The following CSMD1 variants were observed in gnomAD, a reference collection of about 807,000 sequenced individuals.
CSMD1 encodes CUB and sushi domain-containing protein 1.
In CSMD1, 213 loss-of-function variants were observed where a neutral mutation model predicts 417.5. That is an observed-to-expected ratio of 0.51 (90% confidence interval 0.46 to 0.57). CSMD1 has a LOEUF of 0.57. CSMD1 is among the 20% of genes least tolerant of loss of function. CSMD1 has a pLI of 0.00. For missense variants in CSMD1, 6,923 were observed against 4,529.7 expected, an observed-to-expected ratio of 1.53 and a Z score of -15.17; for synonymous variants, 2,862 against 1,736.8, an observed-to-expected ratio of 1.65 and a Z score of -16.11.
At chr8:4,752,729 G>T (rs192195185) in intron 1 of CSMD1, among the ~76,000 whole-genome samples, 2 of 152,282 alleles carry the variant, frequency 1.3e-5, no homozygotes, top group Admixed American at 1.3e-4. Flanking sequence ...CAACGAAAAA[G>T]TTGCTTCTTG....
intron 6 of CSMD1, among the ~76,000 whole-genome samples, chr8:3,717,082 G>A (rs1801882784): frequency 6.6e-6 from 1 of 152,104 alleles, no homozygotes; most frequent in Non-Finnish European, 1.5e-5. Flanking sequence ...AGAACCTGCT[G>A]GCTTTACCAT....
intron 1 of CSMD1, among the ~76,000 whole-genome samples, chr8:4,642,672 G>T (rs1345753880): frequency 6.6e-6 from 1 of 152,160 alleles, no homozygotes; most frequent in Admixed American, 6.5e-5. Context: ...TGCCAAATAT[G>T]TTCTACTACC....
chr8:4,103,073 T>C (rs1801387640), intron 3 of CSMD1, among the ~76,000 whole-genome samples: 1 of 152,206 alleles, frequency 6.6e-6, no homozygotes, highest in Non-Finnish European at 1.5e-5. Flanking sequence ...GTTGTGCCCT[T>C]GGTTTTGAGC....
At chr8:3,554,727 G>T (rs1799067716) in intron 10 of CSMD1, among the ~76,000 whole-genome samples, 2 of 152,188 alleles carry the variant, frequency 1.3e-5, no homozygotes, top group Admixed American at 1.3e-4. Context: ...GAGAGCTTCA[G>T]AACTTCCACA....
chr8:4,045,821 C>T (rs1006827878), intron 3 of CSMD1, among the ~76,000 whole-genome samples: 2 of 152,012 alleles, frequency 1.3e-5, no homozygotes, highest in Non-Finnish European at 2.9e-5. Context: ...TTCTCAGCAT[C>T]TTCATCATCC....
At chr8:3,535,948 T>G (rs1396921907) in intron 10 of CSMD1, among the ~76,000 whole-genome samples, 1 of 152,038 alleles carries the variant, frequency 6.6e-6, no homozygotes, top group African/African-American at 2.4e-5. Flanking sequence ...CCCCCACCAG[T>G]CGGTTACAGT....
intron 49 of CSMD1, among the ~76,000 whole-genome samples, chr8:3,054,482 G>C (rs1477757902): frequency 6.6e-6 from 1 of 152,290 alleles, no homozygotes; most frequent in Non-Finnish European, 1.5e-5. Context: ...GGCAGATGTG[G>C]TGGCACACAC....
chr8:3,924,911 A>C (rs986890266), intron 5 of CSMD1, among the ~76,000 whole-genome samples: 5 of 152,084 alleles, frequency 3.3e-5, no homozygotes, highest in Admixed American at 6.6e-5. Context: ...TTTTGGTACC[A>C]TTATATTTCC....
intron 5 of CSMD1, among the ~76,000 whole-genome samples, chr8:3,993,427 G>A (rs17068449): frequency 0.22 from 32,941 of 152,084 alleles, 3,879 homozygotes; most frequent in South Asian, 0.36. Context: ...AACACTGGAA[G>A]CATTAACTGA....
intron 26 of CSMD1, among the ~76,000 whole-genome samples, chr8:3,235,379 T>C (rs1799089962): frequency 6.6e-6 from 1 of 152,176 alleles, no homozygotes; most frequent in South Asian, 2.1e-4. Flanking sequence ...GGTGCACAGA[T>C]TTTATACATG....
At chr8:4,451,423 C>A (rs1046456823) in intron 2 of CSMD1, among the ~76,000 whole-genome samples, 1 of 152,128 alleles carries the variant, frequency 6.6e-6, no homozygotes, top group African/African-American at 2.4e-5. Context: ...GTTTTCCACA[C>A]TGAAAAAGTG....
At chr8:4,925,941 G>T (rs888040617) in intron 1 of CSMD1, among the ~76,000 whole-genome samples, 3 of 152,156 alleles carry the variant, frequency 2.0e-5, no homozygotes, top group African/African-American at 7.2e-5. Context: ...TGCATTTCCA[G>T]CCAGAGGTTT....
intron 10 of CSMD1, among the ~76,000 whole-genome samples, chr8:3,502,023 C>T (rs913157621): frequency 6.6e-6 from 1 of 152,130 alleles, no homozygotes; most frequent in Non-Finnish European, 1.5e-5. Flanking sequence ...AAGCTTCTTA[C>T]ATAACCAACT....
At chr8:3,855,463 G>A (rs953882048) in intron 5 of CSMD1, among the ~76,000 whole-genome samples, 3 of 152,112 alleles carry the variant, frequency 2.0e-5, no homozygotes, top group Admixed American at 2.0e-4. Context: ...TATTTTCATG[G>A]TGAAATGTGC....
chr8:3,011,711 A>G lies in CSMD1; in HGVS notation c.8029+6766T>C, dbSNP rs1808395600. Among the ~76,000 whole-genome samples, 3 of 152,220 alleles carry G rather than the reference A, an allele frequency of 2.0e-5. No homozygotes were observed. The South Asian group carries it at 6.2e-4, about 32-fold the overall frequency. On this transcript the variant is annotated intron_variant, in intron 52 of 69. Transcript: ENST00000635120. ...TAATATCTTGAATACTAGAGATTGA[A>G]GAGGTAACATAGTGGAGAGAGGATG...
intron 26 of CSMD1, among the ~76,000 whole-genome samples, chr8:3,280,664 G>T (rs776551399): frequency 2.0e-5 from 3 of 152,102 alleles, no homozygotes; most frequent in Non-Finnish European, 2.9e-5. Flanking sequence ...CATTTTTTAC[G>T]TATAAAAATG....
chr8:4,534,764 C>T (rs1725375112), intron 2 of CSMD1, among the ~76,000 whole-genome samples: 1 of 151,992 alleles, frequency 6.6e-6, no homozygotes, highest in Admixed American at 6.6e-5. Context: ...TTCTTTCTTT[C>T]TTTCTTTCCT....
At chr8:3,482,431 C>A (rs898696311) in intron 11 of CSMD1, among the ~76,000 whole-genome samples, 7 of 152,072 alleles carry the variant, frequency 4.6e-5, no homozygotes, top group Non-Finnish European at 1.0e-4. Flanking sequence ...CAAAGAGGGA[C>A]ACCACAAAAT....
chr8:4,857,556 A>C (rs191745636), intron 1 of CSMD1, among the ~76,000 whole-genome samples: 4 of 152,342 alleles, frequency 2.6e-5, no homozygotes, highest in Admixed American at 2.6e-4. Flanking sequence ...AATCAAATAG[A>C]CGCAGTAATA....
Sources: gnomAD v4.1 joint callset for allele counts (sites outside exome capture counted in the v4.1 genomes callset) on GRCh38, gnomAD v4.1.1 for gene constraint, MANE v1.5 for transcripts, NCBI Gene and HGNC (gene_info 2026-07-23, HGNC 2026-07-21) for gene names.